Variants in NRK observed in about 807,000 individuals in gnomAD.
NRK encodes nik-related protein kinase.
A neutral mutation model predicts 125.2 loss-of-function variants in NRK; 67 were observed. The ratio of observed to expected loss-of-function variants is 0.54; its 90% CI spans 0.44 to 0.66. The LOEUF is 0.66. Among genes scored for constraint, NRK ranks in the 30% least tolerant of loss-of-function variants. The probability of loss-of-function intolerance (pLI) is 0.00; values close to 1 mark genes in which losing one functional copy is unlikely to be tolerated. For missense variants in NRK, 1,224 were observed against 1,192.9 expected, an observed-to-expected ratio of 1.03 and a Z score of -0.38; for synonymous variants, 458 against 429.0, an observed-to-expected ratio of 1.07 and a Z score of -0.84.
In NRK at chrX:105,906,436, A is replaced by G; in HGVS notation, c.868A>G (p.Met290Val). The G allele has an allele frequency of 2.6e-6, 3 of 1,163,421 alleles. No individual in the cohort carries two copies. The highest frequency in any genetic ancestry group is 3.5e-6 in the Non-Finnish European group (3 of 866,354). ...TAGGTCCCGTAAGTTCCACAATTTCATGGAAAAGTGTACGATAAAAAATTT... is the reference window on the plus strand; with the variant it reads ...TAGGTCCCGTAAGTTCCACAATTTCGTGGAAAAGTGTACGATAAAAAATTT... ...SGWSRKFHNF[M>V]EKCTIKNFLF... Residue 290 changes from methionine to valine, a missense_variant, in exon 11 of 29, where the codon ATG (methionine) becomes GTG (valine). Physicochemically the swap from Met to Val is conservative, Grantham distance 21. Coordinates refer to ENST00000243300, the MANE Select transcript of NRK (RefSeq NM_198465.4).
intron 1 of NRK, among the ~76,000 whole-genome samples, chrX:105,823,537 A>AT (rs375688413): frequency 0.011 from 1,071 of 100,440 alleles, 7 homozygotes; most frequent in African/African-American, 0.015. Context: ...TGCACACTCG[A>AT]TTTTTTTTTT....
rs1164041409 is a variant in NRK at position 105,908,806 on chromosome X, C to T, written c.1165C>T (p.Pro389Ser). Residue 389 changes from proline (P) to serine (S), a missense_variant, in exon 13 of 29, where the codon CCC (proline) becomes TCC (serine). By Grantham distance (74) the Pro-to-Ser change is moderately conservative (BLOSUM62 -1). Coordinates refer to ENST00000243300, the MANE Select transcript of NRK (RefSeq NM_198465.4). ...ACCACTTAGAGTCCTGCATGGGGAA[C>T]CCTCTCAGCCAAGGTGGCTACCTGA... ...CRPLRVLHGE[P>S]SQPRWLPDRE... is the part of the protein sequence containing the mutation. The T allele has an allele frequency of 2.5e-6, 3 of 1,211,017 alleles. No individual in the cohort carries two copies. The Admixed American group carries it at 6.5e-5, about 26-fold the overall frequency.
intron 8 of NRK, among the ~76,000 whole-genome samples, chrX:105,899,467 C>G (rs2040128041): frequency 9.0e-6 from 1 of 111,646 alleles, no homozygotes; most frequent in African/African-American, 3.3e-5. Context: ...TTTACATGAT[C>G]TGCAAAATAA....
intron 2 of NRK, among the ~76,000 whole-genome samples, chrX:105,853,061 T>C (rs1187037031): frequency 1.8e-5 from 2 of 112,185 alleles, no homozygotes; most frequent in Admixed American, 1.9e-4. Flanking sequence ...CTGTCGTCCT[T>C]GGAATGACTC....
Position 105,922,049 on chromosome X carries a change from G to C in NRK, c.2598G>C (p.Leu866=), listed in dbSNP as rs1569312758. The change falls in exon 17 of 29, where the codon CTG becomes CTC. Residue 866 remains leucine (L), a synonymous_variant. Coordinates refer to ENST00000243300, the MANE Select transcript of NRK (RefSeq NM_198465.4). ...PPYSTIDQKL[L]VDIHVPDGFK... is the part of the protein sequence containing the mutation. ...ATTCTACTATTGATCAGAAGTTGCT[G>C]GTTGACATCCATGTAAGTTTCCATC... 1 of 1,098,684 alleles carries C rather than the reference G, an allele frequency of 9.1e-7. No homozygotes were observed. Among genetic ancestry groups the C allele is most frequent in the Admixed American group, 2.2e-5 (1 of 45,042 alleles). The allele number at this position is 1,098,684 out of a possible 1,213,427, so 90.5% of individuals were successfully genotyped here.
At chrX:105,826,077 T>C (rs1336114978) in intron 1 of NRK, among the ~76,000 whole-genome samples, 4 of 96,591 alleles carry the variant, frequency 4.1e-5, no homozygotes, top group African/African-American at 1.1e-4. Context: ...TATATACACA[T>C]ACACACACAC....
Position 105,923,302 on chromosome X carries a change from G to A in NRK, c.2795G>A (p.Gly932Asp). ...ELYDASADTD[G>D]DDDDESNDTF... The stretch of plus-strand genomic sequence containing the variant: ...TATGATGCCAGTGCTGATACTGATG[G>A]TGATGATGATGATGAGTCTAATGAT... Residue 932 changes from glycine to aspartate, a missense_variant, in exon 18 of 29, where the codon GGT (glycine) becomes GAT (aspartate). Physicochemically the swap from Gly to Asp is moderately conservative, Grantham distance 94. Coordinates refer to ENST00000243300, the MANE Select transcript of NRK (RefSeq NM_198465.4). 1.3e-5 allele frequency: 15 copies of A among 1,193,307 alleles called. No individual in the cohort carries two copies. The highest frequency in any genetic ancestry group is 1.8e-5 in the South Asian group (1 of 56,032).
intron 1 of NRK, among the ~76,000 whole-genome samples, chrX:105,830,187 C>G (rs1367525001): frequency 2.8e-5 from 3 of 106,532 alleles, no homozygotes; most frequent in Non-Finnish European, 5.8e-5. Context: ...GCTAAAAATA[C>G]AAAATAAGCT....
At chrX:105,888,112 C>T (rs945004585) in intron 4 of NRK, among the ~76,000 whole-genome samples, 182 bp from the exon 5 acceptor site, 1 of 112,225 alleles carries the variant, frequency 8.9e-6, no homozygotes, top group Admixed American at 9.4e-5. Context: ...TTTATTCCCC[C>T]AGACTCCAGG....
At chrX:105,942,258 A>G (rs748959020) in intron 23 of NRK, among the ~76,000 whole-genome samples, 46 of 111,911 alleles carry the variant, frequency 4.1e-4, no homozygotes, top group African/African-American at 1.5e-3. Flanking sequence ...CATTTCATAC[A>G]TCTTCATATG....
intron 2 of NRK, among the ~76,000 whole-genome samples, chrX:105,864,680 A>G (rs2039647720): frequency 8.9e-6 from 1 of 111,836 alleles, no homozygotes; most frequent in Non-Finnish European, 1.9e-5. Flanking sequence ...GAGAAAAACT[A>G]GTTTCCCTTT....
chrX:105,927,398 A>G lies in NRK; in HGVS notation c.3312+2367A>G, dbSNP rs772854194. Reference sequence around the variant, plus strand: ...TTTTGGTAGTGTCAAAGGATATTCTATTTATAAGATCATGTCATCTGCAAA... The same window carrying G: ...TTTTGGTAGTGTCAAAGGATATTCTGTTTATAAGATCATGTCATCTGCAAA... On this transcript the variant is annotated intron_variant, in intron 19 of 28. Transcript: ENST00000243300. 8.1e-5 allele frequency among the ~76,000 whole-genome samples: 9 copies of G among 111,546 alleles called. No individual in the cohort carries two copies. In the East Asian group the frequency reaches 2.5e-3, roughly 31 times the overall value.
At chrX:105,835,326 G>A (rs751227545) in intron 2 of NRK, among the ~76,000 whole-genome samples, 80 of 111,105 alleles carry the variant, frequency 7.2e-4, no homozygotes, top group Non-Finnish European at 1.2e-3. Flanking sequence ...TAATATCCCT[G>A]TTCTTTTCTC....
At chrX:105,875,647 T>TTTA (rs761975846) in intron 2 of NRK, among the ~76,000 whole-genome samples, 18 of 109,721 alleles carry the variant, frequency 1.6e-4, no homozygotes, top group African/African-American at 3.9e-4. Flanking sequence ...TGAATTATTA[T>TTTA]TTATTATTAT....
At chrX:105,914,934 A>G (rs2040346397) in intron 14 of NRK, among the ~76,000 whole-genome samples, 1 of 105,416 alleles carries the variant, frequency 9.5e-6, no homozygotes, top group Non-Finnish European at 2.0e-5. Context: ...TTGAGTAGAA[A>G]CCTGGTGATA....
At position 105,823,459 on chromosome X, in the gene NRK, G is replaced by A. The variant is rs187173105; in HGVS notation, c.57+557G>A. ...CTTTCTAAAACCTTATTCTTGCCAG[G>A]GCAATGTTCCTGATTTAGTGTTGTG... On this transcript the variant is annotated intron_variant, in intron 1 of 28. Transcript: ENST00000243300. 1.8e-4 allele frequency among the ~76,000 whole-genome samples: 20 copies of A among 111,215 alleles called. No homozygotes were observed. In the East Asian group the frequency reaches 4.0e-3, roughly 22 times the overall value.
intron 16 of NRK, among the ~76,000 whole-genome samples, chrX:105,921,337 G>C (rs1295906164): frequency 1.9e-5 from 2 of 103,825 alleles, no homozygotes. Flanking sequence ...GTTGTGGGGT[G>C]GGGGGAGTGG....
chrX:105,860,656 A>AT (rs757634208), intron 2 of NRK, among the ~76,000 whole-genome samples: 3 of 110,520 alleles, frequency 2.7e-5, no homozygotes, highest in Non-Finnish European at 5.7e-5. Context: ...AATGTGTGAC[A>AT]TTTTATGACA....
At chrX:105,826,780 C>T (rs1171996998) in intron 1 of NRK, among the ~76,000 whole-genome samples, 1 of 110,953 alleles carries the variant, frequency 9.0e-6, no homozygotes, top group Non-Finnish European at 1.9e-5. Context: ...GCCCCCTGTT[C>T]AGAAGCAGTT....
Sources: allele counts gnomAD v4.1 joint callset (sites outside exome capture counted in the v4.1 genomes callset), GRCh38; gene constraint gnomAD v4.1.1; transcripts MANE v1.5; gene names NCBI Gene and HGNC (gene_info 2026-07-23, HGNC 2026-07-21).